The following MAD1L1 variants were observed in gnomAD, a reference collection of about 807,000 sequenced individuals.
MAD1L1 encodes the protein mitotic spindle assembly checkpoint protein MAD1.
In MAD1L1, 95 loss-of-function variants were observed where a neutral mutation model predicts 96.9. That is an observed-to-expected ratio of 0.98 (90% CI 0.83 to 1.16). The LOEUF is 1.16. MAD1L1 is among the 50% of genes most tolerant of loss of function. The pLI, the probability that MAD1L1 is intolerant of heterozygous loss-of-function variation, is 0.00. For missense variants in MAD1L1, 1,007 were observed against 954.4 expected (o/e 1.06, Z -0.73); for synonymous variants, 473 against 396.6 (o/e 1.19, Z -2.29).
rs1785601432 is a variant in MAD1L1, at chr7:1,880,097, G to A, written c.1998+18103C>T. On this transcript the variant is annotated intron_variant, in intron 18 of 18. Transcript: ENST00000265854. ...GGAAAGGATATTCCTTTAAACAAGA[G>A]TTGCTGGAATAGGCCAACTAGGACT... Among the ~76,000 whole-genome samples, 4 of 152,304 alleles carry A rather than the reference G, an allele frequency of 2.6e-5. No homozygotes were observed. The South Asian group carries it at 8.3e-4, about 32-fold the overall frequency.
At chr7:2,196,202 C>T (rs777074976) in intron 10 of MAD1L1, among the ~76,000 whole-genome samples, 4 of 152,214 alleles carry the variant, frequency 2.6e-5, no homozygotes, top group Non-Finnish European at 5.9e-5. Context: ...ACGAATGAGA[C>T]GCTGATTATC....
intron 11 of MAD1L1, among the ~76,000 whole-genome samples, chr7:2,091,633 G>T (rs543857991): frequency 6.6e-6 from 1 of 152,106 alleles, no homozygotes; most frequent in Non-Finnish European, 1.5e-5. Context: ...AAAATTAGCC[G>T]GGCTTAGTGG....
At chr7:2,055,007 G>A (rs919816375) in intron 12 of MAD1L1, among the ~76,000 whole-genome samples, 1 of 152,148 alleles carries the variant, frequency 6.6e-6, no homozygotes, top group Non-Finnish European at 1.5e-5. Flanking sequence ...ACTCAGGGAC[G>A]ACGGCAGGGC....
At chr7:2,123,822 G>A (rs1181342460) in intron 11 of MAD1L1, among the ~76,000 whole-genome samples, 1 of 152,218 alleles carries the variant, frequency 6.6e-6, no homozygotes, top group Non-Finnish European at 1.5e-5. Context: ...AATCAGCGCT[G>A]TTTACCACTC....
At chr7:2,116,913 A>C (rs1486258077) in intron 11 of MAD1L1, among the ~76,000 whole-genome samples, 1 of 152,236 alleles carries the variant, frequency 6.6e-6, no homozygotes, top group African/African-American at 2.4e-5. Context: ...CAGTGGAGAC[A>C]AAGAAGTATT....
intron 17 of MAD1L1, among the ~76,000 whole-genome samples, chr7:1,912,745 G>A (rs1005950178): frequency 6.6e-6 from 1 of 152,188 alleles, no homozygotes; most frequent in Non-Finnish European, 1.5e-5. Flanking sequence ...ACACTCCAGA[G>A]GGAGCAGTGC....
At chr7:2,139,236 G>A (rs7803910) in intron 11 of MAD1L1, among the ~76,000 whole-genome samples, 7,362 of 152,052 alleles carry the variant, frequency 0.048, 241 homozygotes, top group African/African-American at 0.082. Flanking sequence ...CACACGGCCC[G>A]ACCCCCTGAG....
intron 11 of MAD1L1, among the ~76,000 whole-genome samples, chr7:2,086,665 C>T (rs954530596): frequency 6.6e-6 from 1 of 152,244 alleles, no homozygotes; most frequent in Non-Finnish European, 1.5e-5. Context: ...AGCAATTCTG[C>T]CTCAGCCTCC....
At chr7:2,207,768 G>T (rs73041345) in intron 10 of MAD1L1, among the ~76,000 whole-genome samples, 3 of 152,206 alleles carry the variant, frequency 2.0e-5, no homozygotes, top group Non-Finnish European at 4.4e-5. Flanking sequence ...TTAACAGCCT[G>T]TCAGTCAGAA....
rs1781777526 is a variant in MAD1L1, at chr7:1,816,037, G to A, written c.*33C>T. On this transcript the variant is annotated 3_prime_UTR_variant, in exon 19 of 19. Transcript: ENST00000265854. ...GGGGACCTGCAGGTCAGGCCAAGCA[G>A]AGTGGCTCCGGCTATGCCCCCGAGC... 1.9e-6 allele frequency: 3 copies of A among 1,577,966 alleles called. No individual in the cohort carries two copies. The highest frequency in any genetic ancestry group is 2.6e-6 in the Non-Finnish European group (3 of 1,161,380).
intron 12 of MAD1L1, among the ~76,000 whole-genome samples, chr7:2,064,918 G>A (rs568073604): frequency 6.6e-6 from 1 of 152,168 alleles, no homozygotes; most frequent in African/African-American, 2.4e-5. Context: ...GAGGACAGAG[G>A]CTTCTTCCAG....
intron 5 of MAD1L1, chr7:2,220,925 T>G (rs1793568474): frequency 6.2e-7 from 1 of 1,612,302 alleles, no homozygotes; most frequent in Non-Finnish European, 8.5e-7. Flanking sequence ...CGAGCCCACC[T>G]GCCCACAGGG....
chr7:2,119,381 G>A lies in MAD1L1; in HGVS notation c.1073+29771C>T, dbSNP rs148638284. Reference sequence around the variant, plus strand: ...GACAGTGGCCCACATGGTTTAGGACGGGGTGAGAGTCCTCCATCTCCCACC... The same window carrying A: ...GACAGTGGCCCACATGGTTTAGGACAGGGTGAGAGTCCTCCATCTCCCACC... On this transcript the variant is annotated intron_variant, in intron 11 of 18. Transcript: ENST00000265854. This position sits in a 1 kb window ranked among gnomAD's most constrained non-coding sequence, Gnocchi z 4.6. 1.3e-5 allele frequency among the ~76,000 whole-genome samples: 2 copies of A among 152,270 alleles called. No homozygotes were observed. Among genetic ancestry groups the A allele is most frequent in the Non-Finnish European group, 2.9e-5 (2 of 68,026 alleles).
intron 18 of MAD1L1, among the ~76,000 whole-genome samples, chr7:1,859,387 C>T (rs1362159611): frequency 6.6e-6 from 1 of 152,226 alleles, no homozygotes; most frequent in African/African-American, 2.4e-5. Flanking sequence ...TCATTCTGCA[C>T]AGGGAAGGAT....
At chr7:2,210,514 G>A (rs532754881) in intron 10 of MAD1L1, among the ~76,000 whole-genome samples, 2,226 of 92,564 alleles carry the variant, frequency 0.024, 64 homozygotes, top group South Asian at 0.036. Flanking sequence ...AGCCGTATTC[G>A]GGACCGCCAG....
chr7:2,176,690 G>A (rs1584487323), intron 10 of MAD1L1, among the ~76,000 whole-genome samples: 1 of 151,572 alleles, frequency 6.6e-6, no homozygotes, highest in Middle Eastern at 3.4e-3. Flanking sequence ...AAAGTCACAG[G>A]ACACTGTCAA....
intron 11 of MAD1L1, among the ~76,000 whole-genome samples, chr7:2,086,222 T>G (rs1785913370): frequency 6.6e-6 from 1 of 152,110 alleles, no homozygotes; most frequent in Admixed American, 6.5e-5. Flanking sequence ...GGGAAGAAGC[T>G]CAGATTCTCC....
At chr7:1,839,824 G>A (rs1021862899) in intron 18 of MAD1L1, among the ~76,000 whole-genome samples, 8 of 151,900 alleles carry the variant, frequency 5.3e-5, no homozygotes, top group African/African-American at 1.9e-4. Context: ...AGCTTGGGAG[G>A]TGGGGCAGCT....
At chr7:1,977,922 A>G (rs748854845) in intron 15 of MAD1L1, among the ~76,000 whole-genome samples, 5 of 152,184 alleles carry the variant, frequency 3.3e-5, no homozygotes, top group Non-Finnish European at 7.3e-5. Context: ...AGATTTAAGA[A>G]CCTACTCCAC....
Sources: allele counts gnomAD v4.1 joint callset (sites outside exome capture counted in the v4.1 genomes callset), GRCh38; gene constraint gnomAD v4.1.1; non-coding constraint Gnocchi (gnomAD v3.1); transcripts MANE v1.5; gene names NCBI Gene and HGNC (gene_info 2026-07-23, HGNC 2026-07-21).